GDPD5: variants seen among roughly 807,000 people sequenced by gnomAD.
GDPD5 encodes glycerophosphodiester phosphodiesterase 2.
Under a neutral mutation model 75.1 loss-of-function variants are expected in GDPD5, and 48 were observed. That is an observed-to-expected ratio of 0.64 (90% CI 0.51 to 0.81). The LOEUF (loss-of-function observed/expected upper bound fraction) is 0.81, where lower values mean the gene tolerates loss of function less well. Ranked by LOEUF, GDPD5 falls within the 40% of genes least tolerant of loss-of-function variation. The probability of loss-of-function intolerance (pLI) is 0.00; values close to 1 mark genes in which losing one functional copy is unlikely to be tolerated. For synonymous variants in GDPD5, 336 were observed against 339.0 expected, an observed-to-expected ratio of 0.99 and a Z score of 0.10; for missense variants, 706 against 822.6, an observed-to-expected ratio of 0.86 and a Z score of 1.73.
At chr11:75,446,571 A>C (rs1021389546) in intron 9 of GDPD5, among the ~76,000 whole-genome samples, 1 of 152,194 alleles carries the variant, frequency 6.6e-6, no homozygotes, top group African/African-American at 2.4e-5. Flanking sequence ...GAGTTAGTGC[A>C]ATCAAATATT....
chr11:75,493,986 C>CT (rs1270107780), intron 1 of GDPD5, among the ~76,000 whole-genome samples: 4 of 151,992 alleles, frequency 2.6e-5, no homozygotes, highest in African/African-American at 9.7e-5. Context: ...AAATTTGCAA[C>CT]TAGATGGACA....
intron 1 of GDPD5, among the ~76,000 whole-genome samples, chr11:75,491,582 A>G (rs979849515): frequency 6.6e-6 from 1 of 152,240 alleles, no homozygotes; most frequent in African/African-American, 2.4e-5. Flanking sequence ...CAATTTGAGT[A>G]GCAAGGCCAG....
At chr11:75,472,878 C>G (rs1949699560) in intron 3 of GDPD5, among the ~76,000 whole-genome samples, 1 of 151,912 alleles carries the variant, frequency 6.6e-6, no homozygotes, top group South Asian at 2.1e-4. Flanking sequence ...TGTGGAACCC[C>G]AGGGGAGTGA....
At chr11:75,444,363 C>T (rs759574227) in intron 10 of GDPD5, 50 bp downstream of exon 10, 11 of 1,385,372 alleles carry the variant, frequency 7.9e-6, no homozygotes, top group South Asian at 2.3e-5. Flanking sequence ...AGGTGGATGC[C>T]GAAGCGTGTG....
At chr11:75,492,099 C>G (rs1057427313) in intron 1 of GDPD5, among the ~76,000 whole-genome samples, 1 of 152,250 alleles carries the variant, frequency 6.6e-6, no homozygotes, top group Non-Finnish European at 1.5e-5. Context: ...TGCTGTCAGC[C>G]TTACCTGGGC....
intron 2 of GDPD5, among the ~76,000 whole-genome samples, chr11:75,489,470 T>C (rs1023863138): frequency 2.0e-5 from 3 of 152,262 alleles, no homozygotes; most frequent in Non-Finnish European, 4.4e-5. Flanking sequence ...GCTCGAATGC[T>C]GAGGAAGAAA....
In GDPD5 at chr11:75,457,729, G is replaced by C; in HGVS notation, c.279C>G (p.Thr93=). The C allele has an allele frequency of 6.2e-7, 1 of 1,614,162 alleles. No homozygotes were observed. The highest frequency in any genetic ancestry group is 1.7e-4 in the Middle Eastern group (1 of 6,060). Residue 93 remains threonine (T), a synonymous_variant, in exon 5 of 17, where the codon ACC becomes ACG. Transcript: ENST00000336898. ...WSDWPVPILV[T]TAAAFAYIAG... is the part of the protein sequence containing the mutation. ...CGATGTATGCGAAGGCAGCAGCTGT[G>C]GTCACAAGGATGGGTACGGGCCAGT...
chr11:75,452,405 T>G (rs1949184111), intron 6 of GDPD5: 1 of 152,270 alleles, frequency 6.6e-6, no homozygotes, highest in African/African-American at 2.4e-5. Context: ...AAATGCTTAG[T>G]ACAACGGCTG....
chr11:75,491,100 C>A (rs536311563), intron 1 of GDPD5, among the ~76,000 whole-genome samples: 7 of 152,290 alleles, frequency 4.6e-5, no homozygotes, highest in Middle Eastern at 6.8e-3. Context: ...TCTCCCCAAC[C>A]CAACTGGATT....
intron 1 of GDPD5, among the ~76,000 whole-genome samples, chr11:75,511,525 A>G (rs1460858101): frequency 1.3e-5 from 2 of 152,198 alleles, no homozygotes; most frequent in Non-Finnish European, 1.5e-5. Context: ...ATGCTCATGC[A>G]TCCTTGAATC....
At chr11:75,449,292 C>T (rs957297328) in intron 8 of GDPD5, among the ~76,000 whole-genome samples, 170 bp from the exon 9 acceptor site, 1 of 152,170 alleles carries the variant, frequency 6.6e-6, no homozygotes, top group African/African-American at 2.4e-5. Context: ...CAGGTGCATA[C>T]ATGCAGAGAG....
chr11:75,472,397 A>C lies in GDPD5; in HGVS notation c.117+5222T>G, dbSNP rs373713504. On this transcript the variant is annotated intron_variant, in intron 3 of 16. Coordinates refer to ENST00000336898, the MANE Select transcript of GDPD5 (RefSeq NM_030792.8). ...CATTCTTTCCAGCTCCATATCCTGG[A>C]CACAAATCCACATGGCTGACAGGAC... is the stretch of plus-strand genomic sequence containing the variant. Among the ~76,000 whole-genome samples, 9 of 152,262 alleles carry C rather than the reference A, an allele frequency of 5.9e-5. No individual in the cohort carries two copies. The South Asian group carries it at 1.2e-3, about 21-fold the overall frequency.
chr11:75,436,291 G>T (rs1462971574), intron 16 of GDPD5, among the ~76,000 whole-genome samples: 1 of 152,158 alleles, frequency 6.6e-6, no homozygotes, highest in Non-Finnish European at 1.5e-5. Context: ...CAGGCAAGCG[G>T]TGCTCCCTTG....
intron 3 of GDPD5, among the ~76,000 whole-genome samples, chr11:75,475,278 G>A (rs983218186): frequency 1.3e-5 from 2 of 152,192 alleles, no homozygotes; most frequent in African/African-American, 4.8e-5. Flanking sequence ...GGAGATACAG[G>A]GGGAGAATCC....
At chr11:75,468,410 C>T (rs1949573930) in intron 3 of GDPD5, among the ~76,000 whole-genome samples, 1 of 152,238 alleles carries the variant, frequency 6.6e-6, no homozygotes, top group Non-Finnish European at 1.5e-5. Flanking sequence ...GCTGCCTAGT[C>T]CTTCTGTGGA....
Position 75,462,538 on chromosome 11 carries a change from G to A in GDPD5, c.221+248C>T, listed in dbSNP as rs567386831. On this transcript the variant is annotated intron_variant, in intron 4 of 16. Coordinates refer to ENST00000336898, the MANE Select transcript of GDPD5 (RefSeq NM_030792.8). Reference sequence around the variant, plus strand: ...CTCCTCCTCTTTCTTGCCAGTCTGCGATACAATCCTCACCCATACCTCTGG... The same window carrying A: ...CTCCTCCTCTTTCTTGCCAGTCTGCAATACAATCCTCACCCATACCTCTGG... Among the ~76,000 whole-genome samples, 31 of 152,224 alleles carry A rather than the reference G, an allele frequency of 2.0e-4. No homozygotes were observed. The East Asian group carries it at 5.2e-3, about 26-fold the overall frequency.
intron 16 of GDPD5, among the ~76,000 whole-genome samples, chr11:75,436,731 G>A (rs938483346): frequency 2.0e-5 from 3 of 152,208 alleles, no homozygotes; most frequent in Non-Finnish European, 4.4e-5. Context: ...GGATGACTGT[G>A]TGTGTGGGGG....
At chr11:75,491,487 A>G (rs552784825) in intron 1 of GDPD5, among the ~76,000 whole-genome samples, 2 of 152,236 alleles carry the variant, frequency 1.3e-5, no homozygotes, top group South Asian at 4.1e-4. Flanking sequence ...ATGTGGTCTG[A>G]CTCAGTTAAG....
chr11:75,462,022 G>C (rs1949424880), intron 4 of GDPD5, among the ~76,000 whole-genome samples: 1 of 152,202 alleles, frequency 6.6e-6, no homozygotes, highest in Non-Finnish European at 1.5e-5. Flanking sequence ...TTGGATCTGA[G>C]GTACCCACAA....
Sources: gnomAD v4.1 joint callset for allele counts (sites outside exome capture counted in the v4.1 genomes callset) on GRCh38, gnomAD v4.1.1 for gene constraint, MANE v1.5 for transcripts, NCBI Gene and HGNC (gene_info 2026-07-23, HGNC 2026-07-21) for gene names.